The following KDM6B variants were observed in gnomAD, a reference collection of about 807,000 sequenced individuals.
KDM6B encodes lysine-specific demethylase 6B.
Under a neutral mutation model 150.4 loss-of-function variants are expected in KDM6B, and 22 were observed. The observed-to-expected ratio is 0.15, with a 90% confidence interval of 0.10 to 0.21. The LOEUF is 0.21. Among genes scored for constraint, KDM6B ranks in the 10% least tolerant of loss-of-function variants. The pLI, the probability that KDM6B is intolerant of heterozygous loss-of-function variation, is 1.00. For synonymous variants in KDM6B, 1,148 were observed against 921.1 expected (o/e 1.25, Z -4.46); for missense variants, 1,984 against 2,234.3 (o/e 0.89, Z 2.26).
rs746215161 is a variant in KDM6B, at chr17:7,845,587, C to G, written c.33C>G (p.Arg11=). The stretch of plus-strand genomic sequence containing the variant: ...GGGCAGTGGACCCTCCAGGGGCCCG[C>G]GCTGCACGGGAAGCCTTTGCCCTTG... MHRAVDPPGA[R]AAREAFALGG... The change falls in exon 5 of 24, where the codon CGC becomes CGG. Residue 11 remains arginine, a synonymous_variant. Coordinates refer to ENST00000448097, the MANE Select transcript of KDM6B (RefSeq NM_001348716.2). 1 of 1,614,014 alleles carries G rather than the reference C, an allele frequency of 6.2e-7. No individual in the cohort carries two copies. The highest frequency in any genetic ancestry group is 1.3e-5 in the African/African-American group (1 of 74,940).
At chr17:7,835,659 A>C (rs924121730) in intron 1 of KDM6B, among the ~76,000 whole-genome samples, 2 of 151,822 alleles carry the variant, frequency 1.3e-5, no homozygotes, top group Admixed American at 6.6e-5. Flanking sequence ...TGATAGCGAC[A>C]GGAAAGGGAG....
In KDM6B at chr17:7,848,137, A is replaced by C. The variant is rs1184957269; in HGVS notation, c.1849A>C (p.Asn617His). Reference protein sequence around the residue: ...PPAPPSSCHQNTSGSFRRPES... With the variant: ...PPAPPSSCHQHTSGSFRRPES... ...AGCCCCTCCTTCCTCCTGCCACCAAAATACCTCAGGAAGCTTCAGGCGCCC... is the reference window on the plus strand; with the variant it reads ...AGCCCCTCCTTCCTCCTGCCACCAACATACCTCAGGAAGCTTCAGGCGCCC... Residue 617 changes from asparagine to histidine, a missense_variant, in exon 12 of 24, where the codon AAT (asparagine) becomes CAT (histidine). This residue lies in a region of KDM6B where 1,379 missense variants were observed against 1,275.6 expected (regional missense o/e 1.08). Transcript: ENST00000448097. 1 of 1,612,254 alleles carries C rather than the reference A, an allele frequency of 6.2e-7. No homozygotes were observed. Among genetic ancestry groups the C allele is most frequent in the Non-Finnish European group, 8.5e-7 (1 of 1,179,760 alleles).
Position 7,851,760 on chromosome 17 carries a change from C to T in KDM6B, c.4129C>T (p.Gln1377Ter). The change falls in exon 18 of 24, where the codon CAG (glutamine) becomes TAG (stop). Residue 1377 changes from glutamine (Q) to a stop codon, truncating the protein, a stop_gained. Coordinates refer to ENST00000448097, the MANE Select transcript of KDM6B (RefSeq NM_001348716.2). LOFTEE classifies it high-confidence loss of function. Reference protein sequence around the residue: ...GHTILGMNTVQLYMKVPGSRT... With the variant: ...GHTILGMNTV Reference sequence around the variant, plus strand: ...CACCATCCTGGGCATGAACACGGTGCAGCTGTACATGAAGGTGCCCGGCAG... The same window carrying T: ...CACCATCCTGGGCATGAACACGGTGTAGCTGTACATGAAGGTGCCCGGCAG... 1 of 1,555,566 alleles carries T rather than the reference C, an allele frequency of 6.4e-7. No individual in the cohort carries two copies. The highest frequency in any genetic ancestry group is 8.7e-7 in the Non-Finnish European group (1 of 1,150,214).
chr17:7,846,017 C>A lies in KDM6B; in HGVS notation c.236+47C>A, dbSNP rs1444623358. The stretch of plus-strand genomic sequence containing the variant: ...CTGGGAGTGGGAGGTAAGGCTGGGG[C>A]CTTGAAAGAGTCCCCTCAAGCCCAA... On this transcript the variant is annotated intron_variant, in intron 6 of 23. Coordinates refer to ENST00000448097, the MANE Select transcript of KDM6B (RefSeq NM_001348716.2). 10 of 1,599,352 alleles carry A rather than the reference C, an allele frequency of 6.3e-6. No individual in the cohort carries two copies. The African/African-American group carries it at 8.1e-5, about 13-fold the overall frequency.
chr17:7,838,079 C>T (rs968949660), intron 1 of KDM6B, among the ~76,000 whole-genome samples: 22 of 150,734 alleles, frequency 1.5e-4, no homozygotes, highest in African/African-American at 4.7e-4. Flanking sequence ...TATTATGGTT[C>T]TTGATTTTGA....
Position 7,844,666 on chromosome 17 carries a change from C to T in KDM6B, c.-268-235C>T, listed in dbSNP as rs1274156084. Reference sequence around the variant, plus strand: ...GGGTGCTTGAGGCTTGCGGGTAGCGCCGGCCCCCACGCCGGCCGGAGCATG... The same window carrying T: ...GGGTGCTTGAGGCTTGCGGGTAGCGTCGGCCCCCACGCCGGCCGGAGCATG... On this transcript the variant is annotated intron_variant, in intron 2 of 23. Transcript: ENST00000448097. The surrounding 1 kb of genome is among the most constrained non-coding windows in gnomAD (Gnocchi z 5.9). 1.3e-5 allele frequency among the ~76,000 whole-genome samples: 2 copies of T among 152,198 alleles called. No individual in the cohort carries two copies. Among genetic ancestry groups the T allele is most frequent in the Non-Finnish European group, 2.9e-5 (2 of 68,030 alleles).
chr17:7,845,978 GAT>G lies in KDM6B; in HGVS notation c.236+11_236+12del, dbSNP rs1236244209. The G allele has an allele frequency of 3.1e-6, 5 of 1,612,738 alleles. No homozygotes were observed. The highest frequency in any genetic ancestry group is 4.2e-6 in the Non-Finnish European group (5 of 1,178,880). On this transcript the variant is annotated intron_variant, in intron 6 of 23. Transcript: ENST00000448097. Reference sequence around the variant, plus strand: ...ACCATATTATGCTCCAGGGTGAGTGGATATTTGAAGGTTCTGGGAGTGGGAGG... The same window carrying G: ...ACCATATTATGCTCCAGGGTGAGTGGATTTGAAGGTTCTGGGAGTGGGAGG...
chr17:7,848,641 C>T lies in KDM6B; in HGVS notation c.2353C>T (p.Pro785Ser). 5 of 1,601,756 alleles carry T rather than the reference C, an allele frequency of 3.1e-6. No individual in the cohort carries two copies. Among genetic ancestry groups the T allele is most frequent in the Non-Finnish European group, 4.3e-6 (5 of 1,174,728 alleles). ...ACCACCACCGCCTCTAGCCAAGTTC[C>T]CTCCACCCTCTCAGCCACAGCCACC... is the stretch of plus-strand genomic sequence containing the variant. The part of the protein sequence containing the change: ...LPPPPPLAKF[P>S]PPSQPQPPPP... The change falls in exon 12 of 24, where the codon CCT (proline) becomes TCT (serine). Residue 785 changes from proline to serine, a missense_variant. Transcript: ENST00000448097.
In KDM6B at chr17:7,848,499, C is replaced by T. The variant is rs773218220; in HGVS notation, c.2211C>T (p.Pro737=). The T allele has an allele frequency of 8.1e-6, 13 of 1,612,016 alleles. No homozygotes were observed. The highest frequency in any genetic ancestry group is 1.7e-4 in the Middle Eastern group (1 of 6,054). The change falls in exon 12 of 24, where the codon CCC becomes CCT. Residue 737 remains proline (P), a synonymous_variant. Coordinates refer to ENST00000448097, the MANE Select transcript of KDM6B (RefSeq NM_001348716.2). ...EPFASLQSPF[P]TDTAPTTTAP... ...TTGCATCTCTGCAGTCTCCTTTCCCCACCGACACAGCCCCCACCACTACTG... is the reference window on the plus strand; with the variant it reads ...TTGCATCTCTGCAGTCTCCTTTCCCTACCGACACAGCCCCCACCACTACTG...
Position 7,848,317 on chromosome 17 carries a change from C to G in KDM6B, c.2029C>G (p.Pro677Ala). The G allele has an allele frequency of 6.2e-7, 1 of 1,612,798 alleles. No homozygotes were observed. ...TCGACTCTTTGATTTTCCCCCCACT[C>G]CGCTGGAGGACCAGTTTGAGGAGCC... ...GPRLFDFPPT[P>A]LEDQFEEPAE... Residue 677 changes from proline to alanine, a missense_variant, in exon 12 of 24, where the codon CCG becomes GCG. Around this residue, in one of 13 missense-constraint regions of KDM6B, gnomAD observed 1,379 missense variants for 1,275.6 expected, o/e 1.08. Coordinates refer to ENST00000448097, the MANE Select transcript of KDM6B (RefSeq NM_001348716.2).
chr17:7,841,495 C>G (rs142018130), intron 2 of KDM6B, among the ~76,000 whole-genome samples: 40 of 152,318 alleles, frequency 2.6e-4, no homozygotes, highest in African/African-American at 9.6e-4. Context: ...GCTAGTGATG[C>G]AGAGGCAGAC....
chr17:7,846,559 TTC>T lies in KDM6B; in HGVS notation c.550-14_550-13del. On this transcript the variant is annotated intron_variant, in intron 8 of 23. Transcript: ENST00000448097. ...GTGCCTGCACCCGTGCCATTTTCTC[TTC>T]TCTCTTTTTGTTCTCAGCACAAACG... 1 of 1,613,792 alleles carries T rather than the reference TTC, an allele frequency of 6.2e-7. No homozygotes were observed. The highest frequency in any genetic ancestry group is 1.1e-5 in the South Asian group (1 of 91,082).
At chr17:7,836,625 T>C (rs546907912) in intron 1 of KDM6B, among the ~76,000 whole-genome samples, 1 of 151,786 alleles carries the variant, frequency 6.6e-6, no homozygotes, top group Non-Finnish European at 1.5e-5. Flanking sequence ...CCGTCAGAAA[T>C]GTGGGTTGGG....
intron 1 of KDM6B, among the ~76,000 whole-genome samples, chr17:7,836,858 G>A (rs955940148): frequency 6.6e-6 from 1 of 152,194 alleles, no homozygotes; most frequent in African/African-American, 2.4e-5. Context: ...GAGGTGGCCT[G>A]GGATGATGTC....
Position 7,852,614 on chromosome 17 carries a change from C to A in KDM6B, c.4588C>A (p.Pro1530Thr), listed in dbSNP as rs780439816. The change falls in exon 21 of 24, where the codon CCC becomes ACC. Residue 1530 changes from proline (P) to threonine (T), a missense_variant. Around this residue, in one of 13 missense-constraint regions of KDM6B, gnomAD observed 41 missense variants for 158.8 expected, o/e 0.26. Transcript: ENST00000448097. ...NVARTVKISDPDLFKMIKFCL... is the reference protein window; with the variant it reads ...NVARTVKISDTDLFKMIKFCL... ...GGCTCGCACGGTCAAAATCAGCGAC[C>A]CCGACTTGTTCAAGATGATCAAGTG... The A allele has an allele frequency of 6.2e-7, 1 of 1,614,036 alleles. No homozygotes were observed. The highest frequency in any genetic ancestry group is 1.1e-5 in the South Asian group (1 of 91,086).
In KDM6B at chr17:7,847,812, T is replaced by C; in HGVS notation, c.1524T>C (p.Thr508=). 3 of 1,548,092 alleles carry C rather than the reference T, an allele frequency of 1.9e-6. No individual in the cohort carries two copies. Among genetic ancestry groups the C allele is most frequent in the South Asian group, 2.4e-5 (2 of 84,182 alleles). The change falls in exon 12 of 24, where the codon ACT becomes ACC. Residue 508 remains threonine, a synonymous_variant. Transcript: ENST00000448097. ...GEILEELFFG[T]EGPPRPAPPP... ...TCTTAGAAGAGCTCTTCTTTGGGAC[T>C]GAGGGACCCCCCCGCCCTGCCCCAC...
In KDM6B at chr17:7,848,011, C is replaced by T. The variant is rs781082951; in HGVS notation, c.1723C>T (p.Pro575Ser). The T allele has an allele frequency of 1.4e-5, 23 of 1,612,716 alleles. No individual in the cohort carries two copies. The highest frequency in any genetic ancestry group is 2.2e-5 in the South Asian group (2 of 91,038). The change falls in exon 12 of 24, where the codon CCC becomes TCC. Residue 575 changes from proline (P) to serine (S), a missense_variant. By Grantham distance (74) the Pro-to-Ser change is moderately conservative. Coordinates refer to ENST00000448097, the MANE Select transcript of KDM6B (RefSeq NM_001348716.2). ...PAGPVSFPPP[P>S]YLARSIDPLP... is the part of the protein sequence containing the mutation. ...TGGGCCTGTGTCCTTTCCCCCACCA[C>T]CCTATCTGGCCAGAAGTATAGACCC... is the stretch of plus-strand genomic sequence containing the variant.
Position 7,847,710 on chromosome 17 carries a change from C to A in KDM6B, c.1422C>A (p.Pro474=). 6.6e-7 allele frequency: 1 copy of A among 1,510,780 alleles called. No individual in the cohort carries two copies. The highest frequency in any genetic ancestry group is 2.2e-4 in the Middle Eastern group (1 of 4,594). The allele number at this position is 1,510,780 out of a possible 1,614,324, so 93.6% of individuals were successfully genotyped here. Residue 474 remains proline (P), a synonymous_variant, in exon 12 of 24, where the codon CCC becomes CCA. Transcript: ENST00000448097. ...CCTCACCCCCTCCACCCCCCTGTCC[C>A]CGCCTCTTACGCCCCCCACCACCCC... ...GPSSPPPPPC[P]RLLRPPPPPA... is the part of the protein sequence containing the mutation.
chr17:7,847,210 C>T lies in KDM6B; in HGVS notation c.1015C>T (p.Pro339Ser). The T allele has an allele frequency of 6.3e-7, 1 of 1,596,858 alleles. No homozygotes were observed. Residue 339 changes from proline (P) to serine (S), a missense_variant, in exon 11 of 24, where the codon CCC becomes TCC. By Grantham distance (74) the Pro-to-Ser change is moderately conservative (BLOSUM62 -1). Transcript: ENST00000448097. ...LVPAAPPGPG[P>S]RPPGAESHGC... ...CCCGGCTGCTCCCCCAGGCCCAGGCCCCCGCCCCCCAGGAGCAGAGAGCCA... is the reference window on the plus strand; with the variant it reads ...CCCGGCTGCTCCCCCAGGCCCAGGCTCCCGCCCCCCAGGAGCAGAGAGCCA...
Sources: gnomAD v4.1 joint callset for allele counts (sites outside exome capture counted in the v4.1 genomes callset) on GRCh38, gnomAD v4.1.1 for gene constraint, gnomAD v4.1.1 regional missense constraint, Gnocchi (gnomAD v3.1) non-coding constraint, MANE v1.5 for transcripts, NCBI Gene and HGNC (gene_info 2026-07-23, HGNC 2026-07-21) for gene names.